CHCHD4: variants seen among roughly 807,000 people sequenced by gnomAD.
CHCHD4 encodes coiled-coil-helix-coiled-coil-helix domain containing 4.
A neutral mutation model predicts 12.4 loss-of-function variants in CHCHD4; 7 were observed. That is an observed-to-expected ratio of 0.57 (90% CI 0.32 to 1.06). CHCHD4 has a LOEUF of 1.06. CHCHD4 is among the 50% of genes least tolerant of loss of function. The pLI, the probability that CHCHD4 is intolerant of heterozygous loss-of-function variation, is 0.04. For missense variants in CHCHD4, 143 were observed against 175.1 expected (o/e 0.82, Z 1.03); for synonymous variants, 56 against 58.0 (o/e 0.97, Z 0.16).
At chr3:14,116,938 C>G (rs111722176) in intron 1 of CHCHD4, among the ~76,000 whole-genome samples, 10,658 of 152,312 alleles carry the variant, frequency 0.07, 519 homozygotes, top group Non-Finnish European at 0.11. Context: ...CCAGCACCCC[C>G]ACTAGGCCTC....
intron 1 of CHCHD4, among the ~76,000 whole-genome samples, chr3:14,117,017 C>A (rs1248786331): frequency 1.3e-5 from 2 of 152,240 alleles, no homozygotes; most frequent in Non-Finnish European, 2.9e-5. Context: ...GTTCCACTCC[C>A]CACAGTCCAA....
intron 2 of CHCHD4, 47 bp from the exon 3 acceptor site, chr3:14,113,241 C>G: frequency 6.7e-7 from 1 of 1,487,422 alleles, no homozygotes; most frequent in Non-Finnish European, 9.2e-7. Flanking sequence ...TCAGAAAATA[C>G]AAAACTAGTC....
intron 2 of CHCHD4, 85 bp from the exon 3 acceptor site, chr3:14,113,279 C>T (rs1188517175): frequency 1.1e-5 from 13 of 1,136,768 alleles, no homozygotes; most frequent in Non-Finnish European, 1.5e-5. Flanking sequence ...TGAGGGGGTG[C>T]AGAACAGGAA....
chr3:14,123,906 T>C (rs867315412), intron 1 of CHCHD4, among the ~76,000 whole-genome samples: 2 of 152,054 alleles, frequency 1.3e-5, no homozygotes, highest in Admixed American at 6.5e-5. Flanking sequence ...GAGCTCAACT[T>C]TGGGGTGGGA....
At chr3:14,121,836 A>G in intron 1 of CHCHD4, 1 of 1,609,188 alleles carries the variant, frequency 6.2e-7, no homozygotes, top group Non-Finnish European at 8.5e-7. Flanking sequence ...TACAGAATCA[A>G]GTGTCTGTGA....
intron 1 of CHCHD4, 40 bp downstream of exon 1, chr3:14,124,615 C>A (rs767482394): frequency 4.0e-6 from 6 of 1,482,126 alleles, no homozygotes; most frequent in South Asian, 3.9e-5. Context: ...CTCCCGCAGG[C>A]CCTCGTAGGC....
chr3:14,123,978 C>T (rs1694971234), intron 1 of CHCHD4, among the ~76,000 whole-genome samples: 1 of 152,216 alleles, frequency 6.6e-6, no homozygotes, highest in Admixed American at 6.5e-5. Context: ...CTTCTGGGGT[C>T]ACAATGCCCA....
intron 1 of CHCHD4, among the ~76,000 whole-genome samples, chr3:14,120,570 G>C (rs960649479): frequency 6.6e-6 from 1 of 152,020 alleles, no homozygotes; most frequent in Non-Finnish European, 1.5e-5. Context: ...CCCTTATCCC[G>C]CTTTATCTTT....
Position 14,112,776 on chromosome 3 carries a change from A to G in CHCHD4, c.*111T>C. ...TGATCATCAAAATAAGTTATTTTGT[A>G]TATTATAATGCACAGGACAACAGAA... On this transcript the variant is annotated 3_prime_UTR_variant, in exon 3 of 3. Coordinates refer to ENST00000396914, the MANE Select transcript of CHCHD4 (RefSeq NM_001098502.2). 2.1e-6 allele frequency: 2 copies of G among 970,572 alleles called. No individual in the cohort carries two copies. The highest frequency in any genetic ancestry group is 3.0e-6 in the Non-Finnish European group (2 of 660,420). The allele number at this position is 970,572 out of a possible 1,614,324, so 60.1% of individuals were successfully genotyped here.
intron 1 of CHCHD4, among the ~76,000 whole-genome samples, chr3:14,122,542 G>A (rs563658391): frequency 3.3e-5 from 5 of 152,214 alleles, no homozygotes; most frequent in African/African-American, 4.8e-5. Flanking sequence ...CCAAACCAAC[G>A]AGTTTAACCT....
At chr3:14,122,593 C>T (rs908295093) in intron 1 of CHCHD4, among the ~76,000 whole-genome samples, 19 of 152,180 alleles carry the variant, frequency 1.2e-4, no homozygotes, top group African/African-American at 4.3e-4. Context: ...TAAACTTGTA[C>T]AGGCAAGTGA....
intron 1 of CHCHD4, among the ~76,000 whole-genome samples, chr3:14,120,873 G>A (rs966127559): frequency 6.6e-5 from 10 of 152,306 alleles, no homozygotes; most frequent in African/African-American, 2.4e-4. Context: ...AAACAAACCT[G>A]AGAGGGGCTG....
At chr3:14,124,530 C>A (rs1035408229) in intron 1 of CHCHD4, 125 bp downstream of exon 1, 3 of 779,878 alleles carry the variant, frequency 3.8e-6, no homozygotes, top group Non-Finnish European at 5.6e-6. Flanking sequence ...CTCCGAGTGT[C>A]CCAGGGTGGG....
intron 1 of CHCHD4, 24 bp downstream of exon 1, chr3:14,124,631 T>C (rs1311997614): frequency 2.0e-6 from 3 of 1,507,052 alleles, no homozygotes; most frequent in Non-Finnish European, 2.7e-6. Context: ...TAGGCCGGTC[T>C]CCGTGGCAGC....
chr3:14,121,595 A>T (rs1313579589), intron 1 of CHCHD4, among the ~76,000 whole-genome samples: 8 of 152,220 alleles, frequency 5.3e-5, no homozygotes, highest in Non-Finnish European at 1.2e-4. Context: ...GGCAACCTGC[A>T]CTAAGGACTT....
intron 1 of CHCHD4, among the ~76,000 whole-genome samples, chr3:14,118,871 C>T (rs1229377352): frequency 1.3e-5 from 2 of 152,212 alleles, no homozygotes; most frequent in Non-Finnish European, 2.9e-5. Context: ...TTTTGTTTAC[C>T]GAGATGGCAG....
At chr3:14,121,837 G>A in intron 1 of CHCHD4, 2 of 1,609,880 alleles carry the variant, frequency 1.2e-6, no homozygotes, top group Non-Finnish European at 1.7e-6. Context: ...ACAGAATCAA[G>A]TGTCTGTGAA....
At position 14,113,070 on chromosome 3, in the gene CHCHD4, G is replaced by T. The variant is rs573911855; in HGVS notation, c.246C>A (p.Ile82=). ...ACTGGTCTACACAGTCTGACCCCTT[G>T]ATCTCCTCCGTGCTATAGTGGAAGC... ...FSCFHYSTEE[I]KGSDCVDQFR... is the part of the protein sequence containing the mutation. Residue 82 remains isoleucine (I), a synonymous_variant, in exon 3 of 3, where the codon ATC becomes ATA. Transcript: ENST00000396914. 56 of 1,613,918 alleles carry T rather than the reference G, an allele frequency of 3.5e-5. No individual in the cohort carries two copies. Among genetic ancestry groups the T allele is most frequent in the Non-Finnish European group, 4.4e-5 (52 of 1,180,032 alleles).
At position 14,124,692 on chromosome 3, in the gene CHCHD4, C is replaced by G; in HGVS notation, c.-16G>C. 1 of 1,528,206 alleles carries G rather than the reference C, an allele frequency of 6.5e-7. No homozygotes were observed. Among genetic ancestry groups the G allele is most frequent in the Non-Finnish European group, 8.8e-7 (1 of 1,139,844 alleles). The allele number at this position is 1,528,206 out of a possible 1,614,324, so 94.7% of individuals were successfully genotyped here. On this transcript the variant is annotated 5_prime_UTR_variant, in exon 1 of 3. Transcript: ENST00000396914. The stretch of plus-strand genomic sequence containing the variant: ...AATAGGACATGGCTGCAGCCCGTCC[C>G]TGAGACCTTGCAGAAGCGGCGGTGG...
Sources: gnomAD v4.1 joint callset for allele counts (sites outside exome capture counted in the v4.1 genomes callset) on GRCh38, gnomAD v4.1.1 for gene constraint, MANE v1.5 for transcripts, NCBI Gene and HGNC (gene_info 2026-07-23, HGNC 2026-07-21) for gene names.